UVRAG: variants seen among roughly 807,000 people sequenced by gnomAD.
UVRAG encodes the protein UV radiation resistance-associated gene protein.
UVRAG carries 19 observed loss-of-function variants against 78.0 expected under a neutral mutation model. The observed-to-expected ratio is 0.24, with a 90% CI of 0.17 to 0.36. UVRAG has a LOEUF of 0.36. Ranked by LOEUF, UVRAG falls within the 10% of genes least tolerant of loss-of-function variation. UVRAG has a pLI of 1.00. For synonymous variants in UVRAG, 323 were observed against 324.6 expected (o/e 1.00, Z 0.05); for missense variants, 740 against 853.8 (o/e 0.87, Z 1.66).
chr11:75,866,357 CAATAAATAAATA>C (rs376334935), intron 3 of UVRAG, among the ~76,000 whole-genome samples: 1 of 148,706 alleles, frequency 6.7e-6, no homozygotes, highest in Non-Finnish European at 1.5e-5. Flanking sequence ...CCCATCTCTA[CAATAAATAAATA>C]AATAAATAAA....
intron 5 of UVRAG, among the ~76,000 whole-genome samples, chr11:75,901,422 T>C (rs2134987734): frequency 6.6e-6 from 1 of 152,296 alleles, no homozygotes; most frequent in South Asian, 2.1e-4. Flanking sequence ...ACACCTCCAG[T>C]CTAGATTTCC....
intron 6 of UVRAG, among the ~76,000 whole-genome samples, chr11:75,920,006 T>TG (rs1565380027): frequency 1.3e-4 from 17 of 134,596 alleles, no homozygotes; most frequent in African/African-American, 3.4e-4. Context: ...AAAATAATTT[T>TG]GGTTTTTTTT....
intron 13 of UVRAG, among the ~76,000 whole-genome samples, chr11:76,071,759 A>G (rs927819710): frequency 1.4e-4 from 21 of 152,128 alleles, no homozygotes; most frequent in Admixed American, 9.2e-4. Context: ...GAAATATATT[A>G]TGGGACATGA....
At chr11:76,086,711 C>A (rs549772551) in intron 13 of UVRAG, among the ~76,000 whole-genome samples, 2 of 152,238 alleles carry the variant, frequency 1.3e-5, no homozygotes, top group South Asian at 4.1e-4. Flanking sequence ...ACAGACTTAA[C>A]AAAATCTAGA....
At chr11:76,055,005 T>C (rs1950952759) in intron 12 of UVRAG, among the ~76,000 whole-genome samples, 1 of 152,360 alleles carries the variant, frequency 6.6e-6, no homozygotes, top group Admixed American at 6.5e-5. Flanking sequence ...GTCTTCTCTC[T>C]TTCAAATTTC....
chr11:75,827,661 G>A (rs1453510247), intron 1 of UVRAG, among the ~76,000 whole-genome samples: 1 of 152,106 alleles, frequency 6.6e-6, no homozygotes. Flanking sequence ...TGCAGGATAG[G>A]AAAAACTGAG....
chr11:75,876,248 G>A (rs905021623), intron 3 of UVRAG, among the ~76,000 whole-genome samples: 2 of 152,084 alleles, frequency 1.3e-5, no homozygotes, highest in Non-Finnish European at 2.9e-5. Context: ...ATCAGAAATG[G>A]ATGGCTCCCT....
chr11:75,976,517 G>A (rs1386309858), intron 7 of UVRAG, among the ~76,000 whole-genome samples: 2 of 152,116 alleles, frequency 1.3e-5, no homozygotes, highest in Middle Eastern at 6.8e-3. Flanking sequence ...TTGGTTGGTA[G>A]GCTCTTAATT....
At chr11:75,817,970 G>T (rs1339913385) in intron 1 of UVRAG, among the ~76,000 whole-genome samples, 1 of 151,774 alleles carries the variant, frequency 6.6e-6, no homozygotes, top group Non-Finnish European at 1.5e-5. Context: ...TGAGGCAAGA[G>T]AATTGCTTGA....
In UVRAG at chr11:75,884,031, A is replaced by G. The variant is rs540343199; in HGVS notation, c.432+3991A>G. 1.1e-4 allele frequency among the ~76,000 whole-genome samples: 16 copies of G among 152,314 alleles called. No individual in the cohort carries two copies. In the South Asian group the frequency reaches 2.3e-3, roughly 22 times the overall value. On this transcript the variant is annotated intron_variant, in intron 4 of 14. Transcript: ENST00000356136. The stretch of plus-strand genomic sequence containing the variant: ...AAACTGCCAGTTTTCCAAAGTGACT[A>G]TAACATCCTGCATTCCCATCAGCAA...
At chr11:75,957,501 G>T (rs1441199960) in intron 6 of UVRAG, among the ~76,000 whole-genome samples, 1 of 151,442 alleles carries the variant, frequency 6.6e-6, no homozygotes, top group Non-Finnish European at 1.5e-5. Context: ...CATATTTCAA[G>T]ATTGGTTTGT....
chr11:75,923,057 G>C (rs575010692), intron 6 of UVRAG, among the ~76,000 whole-genome samples: 5 of 140,268 alleles, frequency 3.6e-5, no homozygotes, highest in African/African-American at 1.4e-4. Context: ...TTTTTGAGAC[G>C]GAGTTTTGCT....
rs377643065 is a variant in UVRAG at position 76,115,961 on chromosome 11, G to A, written c.1343G>A (p.Arg448Gln). 34 of 1,613,742 alleles carry A rather than the reference G, an allele frequency of 2.1e-5. No individual in the cohort carries two copies. Among genetic ancestry groups the A allele is most frequent in the African/African-American group, 2.7e-5 (2 of 74,864 alleles). Residue 448 changes from arginine to glutamine, a missense_variant, in exon 14 of 15, where the codon CGG becomes CAG. Arg to Gln is a conservative substitution (Grantham distance 43). Coordinates refer to ENST00000356136, the MANE Select transcript of UVRAG (RefSeq NM_003369.4). ...YQHGLGTPDL[R>Q]QTLPNLKNFM... The stretch of plus-strand genomic sequence containing the variant: ...CATGGACTAGGGACTCCAGACTTGC[G>A]GCAAACCCTTCCCAACCTGAAAAAC...
intron 14 of UVRAG, among the ~76,000 whole-genome samples, chr11:76,122,734 T>C (rs1185629395): frequency 1.3e-5 from 2 of 152,240 alleles, no homozygotes; most frequent in East Asian, 3.8e-4. Flanking sequence ...ACCATCTGTC[T>C]ACCTCTCACT....
At chr11:76,091,837 G>GTT (rs112183787) in intron 13 of UVRAG, among the ~76,000 whole-genome samples, 269 of 146,606 alleles carry the variant, frequency 1.8e-3, no homozygotes, top group African/African-American at 6.4e-3. Context: ...TTGTATATTT[G>GTT]TTTTTTTTTT....
intron 13 of UVRAG, among the ~76,000 whole-genome samples, chr11:76,109,588 G>A (rs546915743): frequency 6.6e-6 from 1 of 152,280 alleles, no homozygotes; most frequent in East Asian, 1.9e-4. Flanking sequence ...GTGAGAATAG[G>A]CTGTGAGTCC....
chr11:75,950,384 C>T (rs944802406), intron 6 of UVRAG, among the ~76,000 whole-genome samples: 5 of 152,246 alleles, frequency 3.3e-5, no homozygotes, highest in East Asian at 1.9e-4. Flanking sequence ...CAGCCTCCCA[C>T]GTAGCTGGGA....
intron 13 of UVRAG, among the ~76,000 whole-genome samples, chr11:76,073,276 C>T (rs1033257893): frequency 5.3e-5 from 8 of 152,110 alleles, no homozygotes; most frequent in Non-Finnish European, 8.8e-5. Context: ...CATGTGCAAT[C>T]GAGTTGCTAA....
intron 6 of UVRAG, among the ~76,000 whole-genome samples, chr11:75,951,368 T>TTTTTGTTTGTTTG (rs529777613): frequency 6.7e-6 from 1 of 150,286 alleles, no homozygotes; most frequent in African/African-American, 2.5e-5. Flanking sequence ...TGTATATATT[T>TTTTTGTTTGTTTG]TTTGTTTGTT....
Sources: gnomAD v4.1 joint callset for allele counts (sites outside exome capture counted in the v4.1 genomes callset) on GRCh38, gnomAD v4.1.1 for gene constraint, MANE v1.5 for transcripts, NCBI Gene and HGNC (gene_info 2026-07-23, HGNC 2026-07-21) for gene names.